LRRC4C: variants seen among roughly 807,000 people sequenced by gnomAD.
LRRC4C encodes the protein leucine-rich repeat-containing protein 4C.
Under a neutral mutation model 33.6 loss-of-function variants are expected in LRRC4C, and 5 were observed. The observed-to-expected ratio is 0.15, with a 90% CI of 0.08 to 0.31. The LOEUF (loss-of-function observed/expected upper bound fraction) is 0.31. Ranked by LOEUF, LRRC4C falls within the 10% of genes least tolerant of loss-of-function variation. The probability of loss-of-function intolerance (pLI) is 1.00; values close to 1 mark genes in which losing one functional copy is unlikely to be tolerated. For missense variants in LRRC4C, 560 were observed against 796.7 expected (o/e 0.70, Z 3.58); for synonymous variants, 329 against 302.0 (o/e 1.09, Z -0.93).
At chr11:40,970,827 G>T (rs1271525010) in intron 1 of LRRC4C, among the ~76,000 whole-genome samples, 2 of 152,178 alleles carry the variant, frequency 1.3e-5, no homozygotes, top group Non-Finnish European at 2.9e-5. Flanking sequence ...GGTCACTTTT[G>T]CTATGCTTTA....
intron 1 of LRRC4C, among the ~76,000 whole-genome samples, chr11:41,148,236 C>G (rs551719420): frequency 1.3e-5 from 2 of 151,798 alleles, no homozygotes; most frequent in South Asian, 4.2e-4. Context: ...AGGATGATCT[C>G]GATCTCCTGA....
intron 3 of LRRC4C, among the ~76,000 whole-genome samples, chr11:40,405,619 A>AG (rs956898963): frequency 6.6e-5 from 10 of 150,820 alleles, no homozygotes; most frequent in African/African-American, 2.4e-4. Flanking sequence ...AAAAAAAAAA[A>AG]AAAAAAAGGA....
intron 2 of LRRC4C, among the ~76,000 whole-genome samples, chr11:40,801,752 A>C (rs1274418547): frequency 6.6e-6 from 1 of 152,130 alleles, no homozygotes; most frequent in Admixed American, 6.6e-5. Flanking sequence ...GAGTACCAGA[A>C]ATTTTTTTTT....
intron 2 of LRRC4C, among the ~76,000 whole-genome samples, chr11:40,906,497 C>A (rs371293904): frequency 6.1e-4 from 93 of 152,162 alleles, no homozygotes; most frequent in African/African-American, 2.1e-3. Flanking sequence ...GGTGACAGAG[C>A]GAGACTCCAT....
intron 4 of LRRC4C, among the ~76,000 whole-genome samples, chr11:40,272,419 G>A (rs1199553965): frequency 3.3e-5 from 5 of 151,976 alleles, no homozygotes; most frequent in African/African-American, 1.2e-4. Flanking sequence ...TAGATAATAA[G>A]GCAGCTATGA....
intron 2 of LRRC4C, among the ~76,000 whole-genome samples, chr11:40,806,260 C>G (rs1450194538): frequency 1.3e-5 from 2 of 152,176 alleles, no homozygotes; most frequent in African/African-American, 4.8e-5. Context: ...TGAGAAGGCT[C>G]AAATAGCAGA....
In LRRC4C at chr11:40,444,167, T is replaced by A. The variant is rs535576574; in HGVS notation, c.-269-124446A>T. On this transcript the variant is annotated intron_variant, in intron 3 of 6. Transcript: ENST00000528697. ...TCTTTCTGTCCACATGAAGAAGTAG[T>A]ACTATTATCAGCCCATTTTGCAAGT... is the stretch of plus-strand genomic sequence containing the variant. Among the ~76,000 whole-genome samples the A allele has an allele frequency of 3.9e-5, 6 of 152,150 alleles. No homozygotes were observed. The East Asian group carries it at 1.2e-3, about 29-fold the overall frequency.
intron 4 of LRRC4C, among the ~76,000 whole-genome samples, chr11:40,294,499 G>T (rs150482096): frequency 6.6e-6 from 1 of 152,056 alleles, no homozygotes; most frequent in African/African-American, 2.4e-5. Flanking sequence ...GCCTCTCCCA[G>T]TCAAGCACAC....
At chr11:41,255,305 G>A (rs910284637) in intron 1 of LRRC4C, among the ~76,000 whole-genome samples, 2 of 151,988 alleles carry the variant, frequency 1.3e-5, no homozygotes, top group African/African-American at 4.8e-5. Context: ...TCTGAGCTGG[G>A]TGGTGCTTAG....
intron 1 of LRRC4C, among the ~76,000 whole-genome samples, chr11:41,070,178 T>TG (rs1938571027): frequency 6.6e-6 from 1 of 152,240 alleles, no homozygotes; most frequent in African/African-American, 2.4e-5. Flanking sequence ...AAGGATTCCC[T>TG]GTTTAATAAA....
Position 41,281,456 on chromosome 11 carries a change from G to A in LRRC4C, c.-496+177975C>T, listed in dbSNP as rs573887979. On this transcript the variant is annotated intron_variant, in intron 1 of 6. Coordinates refer to ENST00000528697, the MANE Select transcript of LRRC4C (RefSeq NM_001258419.2). ...AGAAATGGGCAGAACATCAAATAGGGCTGGAGATGAGTCTCAAAAATGATA... is the reference window on the plus strand; with the variant it reads ...AGAAATGGGCAGAACATCAAATAGGACTGGAGATGAGTCTCAAAAATGATA... Among the ~76,000 whole-genome samples, 3 of 152,198 alleles carry A rather than the reference G, an allele frequency of 2.0e-5. No individual in the cohort carries two copies. The South Asian group carries it at 6.2e-4, about 32-fold the overall frequency.
chr11:40,622,018 A>G (rs1186118503), intron 3 of LRRC4C, among the ~76,000 whole-genome samples: 1 of 151,818 alleles, frequency 6.6e-6, no homozygotes, highest in Non-Finnish European at 1.5e-5. Context: ...CCATGAGACT[A>G]AGGATGTGTA....
chr11:40,404,160 C>A (rs1038864853), intron 3 of LRRC4C, among the ~76,000 whole-genome samples: 1 of 152,104 alleles, frequency 6.6e-6, no homozygotes, highest in African/African-American at 2.4e-5. Context: ...TCCAAGCTAA[C>A]CTGCTGGCTG....
chr11:40,322,539 C>A (rs927653422), intron 3 of LRRC4C, among the ~76,000 whole-genome samples: 5 of 152,154 alleles, frequency 3.3e-5, no homozygotes, highest in African/African-American at 4.8e-5. Context: ...AAACACTGCA[C>A]CCGGCCAAGA....
chr11:40,906,088 T>G (rs1393566837), intron 2 of LRRC4C, among the ~76,000 whole-genome samples: 2 of 152,220 alleles, frequency 1.3e-5, no homozygotes, highest in Non-Finnish European at 2.9e-5. Context: ...GCCATCAACA[T>G]GGAGGCAAAA....
At chr11:41,144,069 G>A (rs1357687896) in intron 1 of LRRC4C, among the ~76,000 whole-genome samples, 1 of 152,182 alleles carries the variant, frequency 6.6e-6, no homozygotes, top group Non-Finnish European at 1.5e-5. Flanking sequence ...AGGATGGCCA[G>A]GGACATTTTT....
intron 2 of LRRC4C, among the ~76,000 whole-genome samples, chr11:40,767,879 C>T (rs1011953242): frequency 6.6e-6 from 1 of 151,696 alleles, no homozygotes; most frequent in Non-Finnish European, 1.5e-5. Flanking sequence ...AGTAAAACTT[C>T]CAATAAACAA....
At chr11:41,118,466 CA>C (rs1203794906) in intron 1 of LRRC4C, among the ~76,000 whole-genome samples, 1 of 152,180 alleles carries the variant, frequency 6.6e-6, no homozygotes, top group Non-Finnish European at 1.5e-5. Context: ...TTACACAAGC[CA>C]AAAGCTTAGA....
chr11:40,885,075 A>G (rs1955384671), intron 2 of LRRC4C, among the ~76,000 whole-genome samples: 1 of 152,046 alleles, frequency 6.6e-6, no homozygotes, highest in South Asian at 2.1e-4. Context: ...CCCAAACTTC[A>G]TCATTATGCA....
Sources: allele counts gnomAD v4.1 joint callset (sites outside exome capture counted in the v4.1 genomes callset), GRCh38; gene constraint gnomAD v4.1.1; transcripts MANE v1.5; gene names NCBI Gene and HGNC (gene_info 2026-07-23, HGNC 2026-07-21).